The following GSE1 variants were observed in gnomAD, a reference collection of about 807,000 sequenced individuals.
GSE1 encodes genetic suppressor element 1.
A neutral mutation model predicts 112.6 loss-of-function variants in GSE1; 32 were observed. The ratio of observed to expected loss-of-function variants is 0.28; its 90% CI spans 0.21 to 0.38. The LOEUF is 0.38. GSE1 is among the 10% of genes least tolerant of loss of function. The pLI, the probability that GSE1 is intolerant of heterozygous loss-of-function variation, is 1.00. For missense variants in GSE1, 2,348 were observed against 1,699.2 expected (o/e 1.38, Z -6.71); for synonymous variants, 1,115 against 735.6 (o/e 1.52, Z -8.35).
At chr16:85,240,598 G>A (rs774922172) in intron 1 of GSE1, among the ~76,000 whole-genome samples, 9 of 152,204 alleles carry the variant, frequency 5.9e-5, no homozygotes, top group Non-Finnish European at 1.2e-4. Flanking sequence ...GGTAGTTCCC[G>A]CTGCTAGGGG....
At chr16:85,246,207 ACAC>A (rs1905657753) in intron 1 of GSE1, among the ~76,000 whole-genome samples, 2 of 87,814 alleles carry the variant, frequency 2.3e-5, no homozygotes, top group African/African-American at 8.3e-5. Context: ...CCCTACACAC[ACAC>A]ACACACACAC....
intron 1 of GSE1, among the ~76,000 whole-genome samples, chr16:85,578,160 C>G (rs941468023): frequency 3.3e-5 from 5 of 152,260 alleles, no homozygotes; most frequent in African/African-American, 4.8e-5. Flanking sequence ...GGGCCTCTCC[C>G]CAGGACCCCC....
intron 1 of GSE1, among the ~76,000 whole-genome samples, chr16:85,337,172 C>T (rs1008724048): frequency 2.6e-5 from 4 of 152,236 alleles, no homozygotes; most frequent in Non-Finnish European, 4.4e-5. Context: ...CACCAGGCCA[C>T]GCCTGTGGGC....
chr16:85,613,099 TGCGC>T (rs151022476), upstream of GSE1: 16 of 795,290 alleles, frequency 2.0e-5, no homozygotes, highest in Middle Eastern at 4.4e-4. Context: ...CGCCCGTCGG[TGCGC>T]GCGCGCGCGC....
At chr16:85,235,484 C>G (rs1190654982) in intron 1 of GSE1, among the ~76,000 whole-genome samples, 1 of 136,354 alleles carries the variant, frequency 7.3e-6, no homozygotes, top group Non-Finnish European at 1.6e-5. Flanking sequence ...GGGGTGTGTT[C>G]TGGCCTCCCA....
chr16:85,379,381 C>T (rs114112615), intron 2 of GSE1, among the ~76,000 whole-genome samples: 56 of 152,312 alleles, frequency 3.7e-4, no homozygotes, highest in African/African-American at 8.9e-4. Context: ...AGGTGGCCCT[C>T]GGAAAAACCT....
At chr16:85,338,131 C>T (rs775687182) in intron 1 of GSE1, among the ~76,000 whole-genome samples, 3 of 152,224 alleles carry the variant, frequency 2.0e-5, no homozygotes, top group Non-Finnish European at 2.9e-5. Context: ...TCCCTGGAGC[C>T]CTGAGCCTGG....
At chr16:85,476,471 G>T (rs570232211) in intron 2 of GSE1, among the ~76,000 whole-genome samples, 5 of 152,322 alleles carry the variant, frequency 3.3e-5, no homozygotes, top group African/African-American at 1.2e-4. Flanking sequence ...TTTAAACTCC[G>T]TGTATCATGG....
chr16:85,171,099 C>T, exon 1 of GSE1: 1 of 985,706 alleles, frequency 1.0e-6, no homozygotes, highest in Non-Finnish European at 1.2e-6. Context: ...CCCAGGGCCC[C>T]AACAAGCGCT....
rs910848033 is a variant in GSE1, at chr16:85,674,407, G to C, written c.*1868G>C. ...CACAGAAGCAGCTGGAAGAGAACTC[G>C]AGGGGCTGTGCTGCAGGCCTCCCCT... is the stretch of plus-strand genomic sequence containing the variant. On this transcript the variant is annotated 3_prime_UTR_variant, in exon 16 of 16. Transcript: ENST00000253458. 2 of 152,054 alleles carry C rather than the reference G, an allele frequency of 1.3e-5. No homozygotes were observed. The highest frequency in any genetic ancestry group is 2.1e-4 in the South Asian group (1 of 4,814). The allele number at this position is 152,054 out of a possible 1,614,324, so 9.4% of individuals were successfully genotyped here.
chr16:85,613,942 C>T (rs868014204), intron 1 of GSE1, among the ~76,000 whole-genome samples: 21 of 150,928 alleles, frequency 1.4e-4, no homozygotes, highest in African/African-American at 4.4e-4. Flanking sequence ...CCCCTTGTCT[C>T]GGGGGAGTTG....
intron 1 of GSE1, among the ~76,000 whole-genome samples, chr16:85,569,337 T>G (rs1219986234): frequency 6.6e-6 from 1 of 152,168 alleles, no homozygotes; most frequent in Non-Finnish European, 1.5e-5. Flanking sequence ...ACTGTAGCTC[T>G]TTATTTAGTA....
upstream of GSE1, among the ~76,000 whole-genome samples, chr16:85,551,550 G>T (rs1046524053): frequency 2.0e-5 from 3 of 152,224 alleles, no homozygotes; most frequent in East Asian, 1.9e-4. Context: ...ATGGAAGGCC[G>T]CCCGGGAGGC....
chr16:85,284,169 C>T lies in GSE1; in HGVS notation c.2284-73294C>T, dbSNP rs189078646. 2.4e-4 allele frequency among the ~76,000 whole-genome samples: 36 copies of T among 152,234 alleles called. No homozygotes were observed. The East Asian group carries it at 3.5e-3, about 15-fold the overall frequency. ...CGGCCCAGGAGAAGGCCCGGCGGGT[C>T]GGGAGGCCGGGAGAATTGAGAATCT... On this transcript the variant is annotated intron_variant, in intron 1 of 2. Transcript: ENST00000637419.
At chr16:85,292,745 C>G (rs1009734023) in intron 1 of GSE1, among the ~76,000 whole-genome samples, 1 of 152,194 alleles carries the variant, frequency 6.6e-6, no homozygotes, top group African/African-American at 2.4e-5. Context: ...CAGGTGTGAG[C>G]CACTGCGCCC....
intron 1 of GSE1, among the ~76,000 whole-genome samples, chr16:85,630,043 C>A (rs2049411195): frequency 6.6e-6 from 1 of 152,188 alleles, no homozygotes; most frequent in Admixed American, 6.5e-5. Context: ...ATCAGAAGGC[C>A]AGCCTGGGGC....
At chr16:85,226,126 C>G (rs1446052301) in intron 1 of GSE1, among the ~76,000 whole-genome samples, 1 of 152,224 alleles carries the variant, frequency 6.6e-6, no homozygotes. Context: ...CTCCACCATA[C>G]TCACTTCCTT....
intron 2 of GSE1, among the ~76,000 whole-genome samples, chr16:85,500,512 C>A (rs917814463): frequency 2.6e-5 from 4 of 152,230 alleles, no homozygotes; most frequent in African/African-American, 9.6e-5. Flanking sequence ...CCTGGGTCCC[C>A]GATCTCCATG....
intron 1 of GSE1, among the ~76,000 whole-genome samples, chr16:85,558,421 G>T (rs756283470): frequency 1.7e-4 from 26 of 152,218 alleles, no homozygotes; most frequent in Non-Finnish European, 3.2e-4. Flanking sequence ...CTCTTCACCT[G>T]CCACTGGAGG....
Sources: allele counts gnomAD v4.1 joint callset (sites outside exome capture counted in the v4.1 genomes callset), GRCh38; gene constraint gnomAD v4.1.1; transcripts MANE v1.5; gene names NCBI Gene and HGNC (gene_info 2026-07-23, HGNC 2026-07-21).